ARHGAP22: variants seen among roughly 807,000 people sequenced by gnomAD.
The protein encoded by ARHGAP22 is Rho GTPase activating protein 22, also known as rho GTPase-activating protein 22.
Under a neutral mutation model 59.1 loss-of-function variants are expected in ARHGAP22, and 48 were observed. The ratio of observed to expected loss-of-function variants is 0.81; its 90% CI spans 0.64 to 1.03. The LOEUF (loss-of-function observed/expected upper bound fraction) is 1.03. Ranked by LOEUF, ARHGAP22 falls within the 50% of genes least tolerant of loss-of-function variation. The pLI is 0.00. For missense variants in ARHGAP22, 1,015 were observed against 958.7 expected, an observed-to-expected ratio of 1.06 and a Z score of -0.78; for synonymous variants, 445 against 416.4, an observed-to-expected ratio of 1.07 and a Z score of -0.84.
chr10:48,451,249 G>T (rs1741463263), intron 8 of ARHGAP22, 109 bp from the exon 9 acceptor site: 3 of 1,442,800 alleles, frequency 2.1e-6, no homozygotes, highest in Admixed American at 3.9e-5. Context: ...CCTGTCCCCA[G>T]AGCCAGGCCG....
rs190926932 is a variant in ARHGAP22, at chr10:48,644,779, T to C, written c.52+7455A>G. ...TTTATGGTATACAGCAAAATCACTATAGGGAAATCTATAGCTTTAAATGCG... is the reference window on the plus strand; with the variant it reads ...TTTATGGTATACAGCAAAATCACTACAGGGAAATCTATAGCTTTAAATGCG... On this transcript the variant is annotated intron_variant, in intron 1 of 9. Coordinates refer to the ARHGAP22 transcript ENST00000435790. Among the ~76,000 whole-genome samples the C allele has an allele frequency of 3.5e-4, 53 of 152,264 alleles. No individual in the cohort carries two copies. In the East Asian group the frequency reaches 0.01, roughly 29 times the overall value.
intron 9 of ARHGAP22, among the ~76,000 whole-genome samples, chr10:48,449,862 C>T (rs938414324): frequency 7.2e-5 from 11 of 152,218 alleles, no homozygotes; most frequent in Admixed American, 6.5e-5. Context: ...GGGGCCTGGG[C>T]ACTTCCTGGC....
At chr10:48,611,231 G>C (rs1373979645) in intron 1 of ARHGAP22, among the ~76,000 whole-genome samples, 1 of 152,196 alleles carries the variant, frequency 6.6e-6, no homozygotes, top group African/African-American at 2.4e-5. Context: ...GGGTACCTTG[G>C]AAAGCAGCTT....
At chr10:48,442,723 G>A (rs2045232042), downstream of ARHGAP22, among the ~76,000 whole-genome samples, 1 of 152,172 alleles carries the variant, frequency 6.6e-6, no homozygotes, top group African/African-American at 2.4e-5. Flanking sequence ...TTTTACCACA[G>A]TGGACAGACA....
At chr10:48,550,004 C>A (rs1033150089) in intron 3 of ARHGAP22, among the ~76,000 whole-genome samples, 3 of 152,206 alleles carry the variant, frequency 2.0e-5, no homozygotes, top group African/African-American at 7.2e-5. Flanking sequence ...TGCTTCCAAT[C>A]CTTACATTAA....
chr10:48,432,626 A>G, the ARHGAP22 span, among the ~76,000 whole-genome samples: 8 of 152,206 alleles, frequency 5.3e-5, no homozygotes, highest in Admixed American at 1.3e-4. Context: ...TGAAAAGTTC[A>G]TTATGTGGGA....
intron 3 of ARHGAP22, among the ~76,000 whole-genome samples, chr10:48,548,286 A>G (rs559574676): frequency 3.2e-4 from 48 of 152,162 alleles, no homozygotes; most frequent in Non-Finnish European, 6.0e-4. Context: ...CCTTTGCTAG[A>G]GTTAGCCAGA....
chr10:48,440,395 GA>G, the ARHGAP22 span, among the ~76,000 whole-genome samples: 1 of 152,122 alleles, frequency 6.6e-6, no homozygotes, highest in Non-Finnish European at 1.5e-5. Flanking sequence ...CTGGGAGTAG[GA>G]AATAGAAAAC....
intron 1 of ARHGAP22, among the ~76,000 whole-genome samples, chr10:48,593,107 C>T (rs1243994916): frequency 6.6e-6 from 1 of 152,230 alleles, no homozygotes. Flanking sequence ...GCCATATGCC[C>T]TCTGCTCTCT....
chr10:48,523,833 G>A (rs1417387607), intron 3 of ARHGAP22, among the ~76,000 whole-genome samples: 1 of 152,098 alleles, frequency 6.6e-6, no homozygotes, highest in East Asian at 1.9e-4. Flanking sequence ...CCCACATGGG[G>A]ACCGAGGAGC....
upstream of ARHGAP22, among the ~76,000 whole-genome samples, chr10:48,609,616 C>T (rs2060803760): frequency 6.6e-6 from 1 of 152,174 alleles, no homozygotes; most frequent in Admixed American, 6.5e-5. Flanking sequence ...CCGACATTCT[C>T]ACTGGGTACA....
In ARHGAP22 at chr10:48,645,806, T is replaced by C. The variant is rs538838409; in HGVS notation, c.52+6428A>G. Among the ~76,000 whole-genome samples, 8 of 151,464 alleles carry C rather than the reference T, an allele frequency of 5.3e-5. No homozygotes were observed. In the South Asian group the frequency reaches 1.7e-3, roughly 32 times the overall value. On this transcript the variant is annotated intron_variant, in intron 1 of 9. Transcript: ENST00000435790. ...TACTGTATTATTCTATCCAGTACAATAGACAGTGAGAGACAAAGGGAAAAA... is the reference window on the plus strand; with the variant it reads ...TACTGTATTATTCTATCCAGTACAACAGACAGTGAGAGACAAAGGGAAAAA...
intron 3 of ARHGAP22, among the ~76,000 whole-genome samples, chr10:48,516,284 G>A (rs1319836203): frequency 2.6e-5 from 4 of 152,196 alleles, no homozygotes; most frequent in Non-Finnish European, 5.9e-5. Flanking sequence ...CAGCACTTTG[G>A]GAGGCCAAGG....
In ARHGAP22 at chr10:48,450,962, G is replaced by C. The variant is rs1293763504; in HGVS notation, c.1167C>G (p.Pro389=). ...CGTCCAGGGAAGAGGTCCTGTGCGCGGGCAGGCCGGGGCCGCCGGGCTCTC... is the reference window on the plus strand; with the variant it reads ...CGTCCAGGGAAGAGGTCCTGTGCGCCGGCAGGCCGGGGCCGCCGGGCTCTC... ...SQGEPGGPGL[P]AHRTSSLDGA... is the part of the protein sequence containing the mutation. Residue 389 remains proline (P), a synonymous_variant, in exon 9 of 10, where the codon CCC becomes CCG. Transcript: ENST00000249601. The C allele has an allele frequency of 1.3e-6, 2 of 1,571,530 alleles. No homozygotes were observed. Among genetic ancestry groups the C allele is most frequent in the Non-Finnish European group, 1.7e-6 (2 of 1,159,394 alleles).
intron 4 of ARHGAP22, among the ~76,000 whole-genome samples, chr10:48,469,428 A>G (rs2048021048): frequency 6.6e-6 from 1 of 152,230 alleles, no homozygotes; most frequent in African/African-American, 2.4e-5. Flanking sequence ...CCCAGTTAAC[A>G]GTTGGCCTCT....
exon 1 of ARHGAP22, chr10:48,652,286 A>C: frequency 6.5e-7 from 1 of 1,535,714 alleles, no homozygotes; most frequent in African/African-American, 1.4e-5. Context: ...TCGGCAGCAT[A>C]ATGAAGCTGG....
At chr10:48,470,877 G>A (rs2048168281) in intron 4 of ARHGAP22, among the ~76,000 whole-genome samples, 1 of 152,224 alleles carries the variant, frequency 6.6e-6, no homozygotes, top group Non-Finnish European at 1.5e-5. Flanking sequence ...GGGGAGAAGT[G>A]GTCCACTAGG....
upstream of ARHGAP22, among the ~76,000 whole-genome samples, chr10:48,653,885 A>G (rs575080948): frequency 4.1e-4 from 63 of 152,356 alleles, no homozygotes; most frequent in Admixed American, 1.3e-3. Context: ...TTAGTTTTGC[A>G]GTGTAACTGT....
chr10:48,544,294 T>C (rs1332615368), intron 3 of ARHGAP22, among the ~76,000 whole-genome samples: 1 of 152,232 alleles, frequency 6.6e-6, no homozygotes, highest in Non-Finnish European at 1.5e-5. Context: ...CAGGTTCTTT[T>C]ATTGAGCAAA....
Sources: allele counts gnomAD v4.1 joint callset (sites outside exome capture counted in the v4.1 genomes callset), GRCh38; gene constraint gnomAD v4.1.1; transcripts MANE v1.5; gene names NCBI Gene and HGNC (gene_info 2026-07-23, HGNC 2026-07-21).